BEND7: variants seen among roughly 807,000 people sequenced by gnomAD.
BEND7 encodes BEN domain-containing protein 7.
In BEND7, 28 loss-of-function variants were observed where a neutral mutation model predicts 50.9. That is an observed-to-expected ratio of 0.55 (90% CI 0.41 to 0.75). BEND7 has a LOEUF of 0.75. Ranked by LOEUF, BEND7 falls within the 30% of genes least tolerant of loss-of-function variation. The probability of loss-of-function intolerance (pLI) is 0.00; values close to 1 mark genes in which losing one functional copy is unlikely to be tolerated. For missense variants in BEND7, 477 were observed against 491.3 expected, an observed-to-expected ratio of 0.97 and a Z score of 0.28; for synonymous variants, 170 against 183.9, an observed-to-expected ratio of 0.92 and a Z score of 0.61.
intron 2 of BEND7, among the ~76,000 whole-genome samples, chr10:13,525,799 C>A (rs1273027260): frequency 1.3e-5 from 2 of 152,114 alleles, no homozygotes; most frequent in East Asian, 3.9e-4. Context: ...TGTAATACCC[C>A]AATTACACAA....
At chr10:13,493,605 A>T (rs1170688891) in intron 4 of BEND7, among the ~76,000 whole-genome samples, 6 of 152,224 alleles carry the variant, frequency 3.9e-5, no homozygotes, top group Admixed American at 3.9e-4. Context: ...CAAATCAGTG[A>T]AATCTAGAAA....
At chr10:13,440,163 T>C (rs34249756), downstream of BEND7, among the ~76,000 whole-genome samples, 60,975 of 151,924 alleles carry the variant, frequency 0.4, 13,869 homozygotes, top group African/African-American at 0.63. Context: ...CCCCTGGCCA[T>C]TGGGTTAGAG....
chr10:13,471,478 T>A (rs2074827112), intron 6 of BEND7, among the ~76,000 whole-genome samples: 1 of 152,240 alleles, frequency 6.6e-6, no homozygotes, highest in South Asian at 2.1e-4. Flanking sequence ...GATTCTACAT[T>A]TTCTTCAAGA....
chr10:13,504,761 T>A (rs1300136211), intron 2 of BEND7, among the ~76,000 whole-genome samples: 1 of 152,220 alleles, frequency 6.6e-6, no homozygotes, highest in Non-Finnish European at 1.5e-5. Flanking sequence ...AATGGATCCA[T>A]GCCACGTGAC....
chr10:13,523,797 A>G (rs1189974135), intron 2 of BEND7, among the ~76,000 whole-genome samples: 4 of 152,212 alleles, frequency 2.6e-5, no homozygotes, highest in Non-Finnish European at 5.9e-5. Flanking sequence ...TCCAGAAATC[A>G]TGTTGCTGTG....
intron 4 of BEND7, 116 bp from the exon 5 acceptor site, chr10:13,492,992 T>G (rs930051964): frequency 9.9e-6 from 12 of 1,216,342 alleles, no homozygotes; most frequent in African/African-American, 3.1e-5. Context: ...AACTCCAGGA[T>G]GAAGCACACT....
At chr10:13,521,320 A>C (rs1345666608) in intron 2 of BEND7, among the ~76,000 whole-genome samples, 1 of 152,108 alleles carries the variant, frequency 6.6e-6, no homozygotes, top group Non-Finnish European at 1.5e-5. Context: ...TGAACTCCTC[A>C]AATTCTTCAT....
At chr10:13,477,551 C>T (rs947502628) in intron 6 of BEND7, among the ~76,000 whole-genome samples, 2 of 152,164 alleles carry the variant, frequency 1.3e-5, no homozygotes, top group Non-Finnish European at 2.9e-5. Flanking sequence ...TTCTGAAAAT[C>T]GCTTCGTATT....
intron 6 of BEND7, among the ~76,000 whole-genome samples, chr10:13,457,204 T>C (rs1274716892): frequency 1.3e-5 from 2 of 152,174 alleles, no homozygotes; most frequent in Admixed American, 1.3e-4. Flanking sequence ...ATTAACAAAG[T>C]GGATTTGGAC....
At chr10:13,494,705 T>C (rs1177401195) in intron 4 of BEND7, among the ~76,000 whole-genome samples, 1 of 152,368 alleles carries the variant, frequency 6.6e-6, no homozygotes, top group East Asian at 1.9e-4. Flanking sequence ...AATGAAAATG[T>C]TTTGGTTTAA....
At chr10:13,516,469 T>A (rs1239166599) in intron 2 of BEND7, among the ~76,000 whole-genome samples, 2 of 152,192 alleles carry the variant, frequency 1.3e-5, no homozygotes, top group South Asian at 4.1e-4. Context: ...CTCACGCTGG[T>A]AATTCCAGCA....
intron 2 of BEND7, among the ~76,000 whole-genome samples, chr10:13,523,688 C>A (rs2079235094): frequency 6.6e-6 from 1 of 152,128 alleles, no homozygotes; most frequent in African/African-American, 2.4e-5. Flanking sequence ...TAATTGAAAT[C>A]TTTATGTTTT....
chr10:13,491,767 TAA>T (rs1190226461), intron 5 of BEND7, among the ~76,000 whole-genome samples: 2 of 152,168 alleles, frequency 1.3e-5, no homozygotes, highest in Non-Finnish European at 2.9e-5. Context: ...GTTTCCTACT[TAA>T]AGTTTAAAAG....
chr10:13,444,453 A>T (rs1288218131), intron 8 of BEND7: 1 of 152,210 alleles, frequency 6.6e-6, no homozygotes. Flanking sequence ...CCCCAAATAC[A>T]CAACTTTGGA....
intron 6 of BEND7, among the ~76,000 whole-genome samples, chr10:13,458,200 T>C (rs943885917): frequency 5.3e-5 from 8 of 152,228 alleles, no homozygotes; most frequent in African/African-American, 1.9e-4. Flanking sequence ...TAATTGTATA[T>C]AAATAATGAA....
intron 2 of BEND7, among the ~76,000 whole-genome samples, chr10:13,511,945 A>G (rs530642498): frequency 3.3e-5 from 5 of 152,310 alleles, no homozygotes; most frequent in African/African-American, 1.2e-4. Context: ...TCATGAGACT[A>G]TCAAGCCGGT....
downstream of BEND7, chr10:13,441,060 C>T (rs796667449): frequency 7.8e-5 from 76 of 977,156 alleles, no homozygotes; most frequent in African/African-American, 1.2e-3. Flanking sequence ...ACAGGAAGAC[C>T]GGCACACAGG....
intron 2 of BEND7, among the ~76,000 whole-genome samples, chr10:13,506,151 C>G (rs1160220069): frequency 6.6e-6 from 1 of 152,122 alleles, no homozygotes; most frequent in African/African-American, 2.4e-5. Context: ...CCACTGACCC[C>G]TGCCTCTTTT....
chr10:13,489,280 C>T (rs2076475766), intron 5 of BEND7, among the ~76,000 whole-genome samples: 1 of 152,242 alleles, frequency 6.6e-6, no homozygotes, highest in East Asian at 1.9e-4. Flanking sequence ...TGAAGTTCTC[C>T]CCAAGAAACT....
Sources: allele counts gnomAD v4.1 joint callset (sites outside exome capture counted in the v4.1 genomes callset), GRCh38; gene constraint gnomAD v4.1.1; transcripts MANE v1.5; gene names NCBI Gene and HGNC (gene_info 2026-07-23, HGNC 2026-07-21).